INPP4B: variants seen among roughly 807,000 people sequenced by gnomAD.
INPP4B encodes inositol polyphosphate 4-phosphatase type II.
INPP4B carries 55 observed loss-of-function variants against 122.5 expected under a neutral mutation model. The ratio of observed to expected loss-of-function variants is 0.45; its 90% confidence interval spans 0.36 to 0.56. INPP4B has a LOEUF of 0.56. INPP4B is among the 20% of genes least tolerant of loss of function. The pLI is 0.00. For missense variants in INPP4B, 1,000 were observed against 1,097.7 expected, an observed-to-expected ratio of 0.91 and a Z score of 1.26; for synonymous variants, 403 against 388.7, an observed-to-expected ratio of 1.04 and a Z score of -0.43.
chr4:142,800,590 C>T (rs1777876137), intron 1 of INPP4B, among the ~76,000 whole-genome samples: 1 of 151,902 alleles, frequency 6.6e-6, no homozygotes, highest in Non-Finnish European at 1.5e-5. Flanking sequence ...AAGGGAAAAC[C>T]CTAAAAATTT....
intron 2 of INPP4B, among the ~76,000 whole-genome samples, chr4:142,649,646 G>A (rs1296045532): frequency 2.6e-5 from 4 of 152,126 alleles, no homozygotes; most frequent in African/African-American, 9.7e-5. Flanking sequence ...GAAATGAAGT[G>A]AGAAGAAAAG....
intron 2 of INPP4B, among the ~76,000 whole-genome samples, chr4:142,537,427 TATAGAG>T (rs1443289549): frequency 0.017 from 574 of 33,750 alleles, no homozygotes; most frequent in African/African-American, 0.035. Flanking sequence ...TATATATATA[TATAGAG>T]AGAGAGAGAG....
chr4:142,237,756 T>G, intron 12 of INPP4B, 108 bp downstream of exon 12: 5 of 578,100 alleles, frequency 8.6e-6, no homozygotes, highest in Non-Finnish European at 8.7e-6. Flanking sequence ...TATTTCACAA[T>G]GCATACATAT....
At chr4:142,558,886 C>A (rs1461103304) in intron 2 of INPP4B, among the ~76,000 whole-genome samples, 2 of 146,338 alleles carry the variant, frequency 1.4e-5, no homozygotes, top group African/African-American at 5.0e-5. Context: ...CAGGTGAAGA[C>A]TGAACAATCA....
At chr4:142,081,298 C>A (rs956429865) in intron 25 of INPP4B, among the ~76,000 whole-genome samples, 4 of 152,142 alleles carry the variant, frequency 2.6e-5, no homozygotes, top group African/African-American at 9.7e-5. Context: ...AGCAAAGAGA[C>A]AATTTCGCTT....
chr4:142,197,573 G>C (rs771450323), intron 14 of INPP4B, among the ~76,000 whole-genome samples: 44 of 152,068 alleles, frequency 2.9e-4, no homozygotes, highest in Non-Finnish European at 4.7e-4. Context: ...TTCTTCACTG[G>C]ATATATGTTA....
chr4:142,369,241 C>T (rs1479565440), intron 7 of INPP4B, among the ~76,000 whole-genome samples: 1 of 152,072 alleles, frequency 6.6e-6, no homozygotes, highest in African/African-American at 2.4e-5. Context: ...GAGAGCCTCA[C>T]CTCATTTCTA....
intron 2 of INPP4B, among the ~76,000 whole-genome samples, chr4:142,715,958 A>G (rs1422678309): frequency 2.0e-5 from 3 of 152,142 alleles, no homozygotes; most frequent in African/African-American, 7.2e-5. Context: ...CACCTTACAA[A>G]TGGTTACTCC....
chr4:142,112,686 A>C lies in INPP4B; in HGVS notation c.2136-4T>G. 6.2e-7 allele frequency: 1 copy of C among 1,604,308 alleles called. No individual in the cohort carries two copies. The highest frequency in any genetic ancestry group is 1.1e-5 in the South Asian group (1 of 88,324). On this transcript the variant is annotated splice_polypyrimidine_tract_variant and splice_region_variant and intron_variant, in intron 21 of 25. Transcript: ENST00000262992. ...GACCTCTACCACGTAATGTTCTCTA[A>C]AGAAGGCAGAGGACAAAGGGAAGAA... is the stretch of plus-strand genomic sequence containing the variant.
intron 2 of INPP4B, among the ~76,000 whole-genome samples, chr4:142,578,615 C>T (rs1053251782): frequency 2.6e-5 from 4 of 151,822 alleles, no homozygotes; most frequent in African/African-American, 4.8e-5. Context: ...TATAAGGACA[C>T]GAGTCAGATT....
chr4:142,319,505 C>T (rs1769191403), intron 7 of INPP4B, among the ~76,000 whole-genome samples: 1 of 152,086 alleles, frequency 6.6e-6, no homozygotes, highest in South Asian at 2.1e-4. Flanking sequence ...ATGTTTTGCC[C>T]TGCTTCACAG....
chr4:142,178,796 A>G (rs898978015), intron 15 of INPP4B, among the ~76,000 whole-genome samples: 1 of 146,714 alleles, frequency 6.8e-6, no homozygotes, highest in African/African-American at 2.5e-5. Context: ...ATCTAGAACT[A>G]TTTCCACTTG....
At chr4:142,360,134 T>C (rs1784920870) in intron 7 of INPP4B, among the ~76,000 whole-genome samples, 1 of 151,974 alleles carries the variant, frequency 6.6e-6, no homozygotes, top group African/African-American at 2.4e-5. Flanking sequence ...GCCCCCATTA[T>C]AGACCCTGAG....
intron 7 of INPP4B, among the ~76,000 whole-genome samples, chr4:142,366,552 A>G (rs1787551998): frequency 6.6e-6 from 1 of 152,172 alleles, no homozygotes; most frequent in Admixed American, 6.6e-5. Context: ...ATTTTAGTTT[A>G]CGTAGGCAAA....
At chr4:142,282,279 G>A (rs1751551464) in intron 9 of INPP4B, among the ~76,000 whole-genome samples, 1 of 152,150 alleles carries the variant, frequency 6.6e-6, no homozygotes, top group South Asian at 2.1e-4. Context: ...AAGCCTTGAA[G>A]TGAATCCTGG....
chr4:142,628,675 T>A (rs1038912303), intron 2 of INPP4B, among the ~76,000 whole-genome samples: 1 of 151,936 alleles, frequency 6.6e-6, no homozygotes, highest in Non-Finnish European at 1.5e-5. Flanking sequence ...CTTTGATTCA[T>A]CCTTTTTTAT....
At chr4:142,135,743 T>C (rs1328571126) in intron 18 of INPP4B, among the ~76,000 whole-genome samples, 1 of 152,066 alleles carries the variant, frequency 6.6e-6, no homozygotes, top group African/African-American at 2.4e-5. Flanking sequence ...TTTCCTTCAG[T>C]GGTGTTGCTC....
chr4:142,730,050 G>A lies in INPP4B; in HGVS notation c.-253-4149C>T, dbSNP rs112142463. 5.3e-5 allele frequency among the ~76,000 whole-genome samples: 8 copies of A among 152,102 alleles called. 1 individual carries two copies. Among genetic ancestry groups the A allele is most frequent in the African/African-American group, 1.9e-4 (8 of 41,520 alleles). On this transcript the variant is annotated intron_variant, in intron 1 of 25. Coordinates refer to ENST00000262992, the MANE Select transcript of INPP4B (RefSeq NM_001101669.3). ...CTTGAAGAGCTCTTTCTAGTTCTGA[G>A]GGGGAAAACACCCTACACCATCTCT...
rs556027850 is a variant in INPP4B at position 142,579,478 on chromosome 4, T to A, written c.-190-116752A>T. Among the ~76,000 whole-genome samples, 63 of 152,156 alleles carry A rather than the reference T, an allele frequency of 4.1e-4. No individual in the cohort carries two copies. The South Asian group carries it at 0.013, about 31-fold the overall frequency. On this transcript the variant is annotated intron_variant, in intron 2 of 25. Transcript: ENST00000262992. ...TTAGTTAAATATTATTCTGGGTGTT[T>A]CTATACAGCTGGCTTTTGATGAGAT...
Sources: gnomAD v4.1 joint callset for allele counts (sites outside exome capture counted in the v4.1 genomes callset) on GRCh38, gnomAD v4.1.1 for gene constraint, MANE v1.5 for transcripts, NCBI Gene and HGNC (gene_info 2026-07-23, HGNC 2026-07-21) for gene names.